The following ONECUT2 variants were observed in gnomAD, a reference collection of about 807,000 sequenced individuals.
ONECUT2 encodes the protein one cut domain family member 2.
In ONECUT2, 10 loss-of-function variants were observed where a neutral mutation model predicts 27.9. The ratio of observed to expected loss-of-function variants is 0.36; its 90% confidence interval spans 0.22 to 0.61. The LOEUF (loss-of-function observed/expected upper bound fraction) is 0.61. Ranked by LOEUF, ONECUT2 falls within the 20% of genes least tolerant of loss-of-function variation. ONECUT2 has a pLI of 0.73. For missense variants in ONECUT2, 686 were observed against 721.0 expected, an observed-to-expected ratio of 0.95 and a Z score of 0.56; for synonymous variants, 334 against 315.1, an observed-to-expected ratio of 1.06 and a Z score of -0.64.
intron 1 of ONECUT2, among the ~76,000 whole-genome samples, chr18:57,461,251 A>G (rs111549386): frequency 2.6e-5 from 4 of 151,762 alleles, no homozygotes; most frequent in Non-Finnish European, 4.4e-5. Context: ...TCATGCTGTT[A>G]TGTGTTGCTG....
rs1487888369 is a variant in ONECUT2, at chr18:57,489,869, A to G, written c.*13146A>G. 1 of 152,118 alleles carries G rather than the reference A, an allele frequency of 6.6e-6. No individual in the cohort carries two copies. The highest frequency in any genetic ancestry group is 6.5e-5 in the Admixed American group (1 of 15,274). 9.4% of individuals were successfully genotyped at this position (152,118 alleles called of 1,614,324 possible). A position where few individuals can be genotyped will look rare whatever the true frequency, so the allele number is the denominator to read the frequency against. ...AAGCTCCACATTGATAACTTGATAA[A>G]TAACCACTAAAGTTTAGATGCAGGG... On this transcript the variant is annotated 3_prime_UTR_variant, in exon 2 of 2. Transcript: ENST00000491143.
chr18:57,464,649 G>A (rs1312360317), intron 1 of ONECUT2, among the ~76,000 whole-genome samples: 1 of 152,138 alleles, frequency 6.6e-6, no homozygotes, highest in Non-Finnish European at 1.5e-5. Context: ...AAGTAATAAC[G>A]AAACAATTTG....
chr18:57,438,368 A>G (rs1171570099), intron 1 of ONECUT2, among the ~76,000 whole-genome samples: 1 of 152,146 alleles, frequency 6.6e-6, no homozygotes, highest in Non-Finnish European at 1.5e-5. Flanking sequence ...CGTGGTGGCG[A>G]TGATTTGCAT....
At position 57,436,319 on chromosome 18, in the gene ONECUT2, G is replaced by T. The variant is rs368237468; in HGVS notation, c.603G>T (p.Glu201Asp). The T allele has an allele frequency of 5.6e-5, 90 of 1,604,108 alleles. No individual in the cohort carries two copies. Among genetic ancestry groups the T allele is most frequent in the Non-Finnish European group, 7.2e-5 (85 of 1,179,722 alleles). Residue 201 changes from glutamate to aspartate, a missense_variant, in exon 1 of 2, where the codon GAG (glutamate) becomes GAT (aspartate). Physicochemically the swap from Glu to Asp is conservative, Grantham distance 45 (BLOSUM62 2). This residue lies in a region of ONECUT2 where 511 missense variants were observed against 488.1 expected (regional missense o/e 1.05). Coordinates refer to ENST00000491143, the MANE Select transcript of ONECUT2 (RefSeq NM_004852.3). This position sits in a 1 kb window ranked among gnomAD's most constrained non-coding sequence, Gnocchi z 5.9. ...GCAGCTTCACCCTCATGCGCGACGAGCGCGGGCTCCCGGCCATGAACAACC... is the reference window on the plus strand; with the variant it reads ...GCAGCTTCACCCTCATGCGCGACGATCGCGGGCTCCCGGCCATGAACAACC... ...VSGSFTLMRD[E>D]RGLPAMNNLY...
In ONECUT2 at chr18:57,477,805, C is replaced by CT. The variant is rs1467307364; in HGVS notation, c.*1085dup. ...GACCACCACGTAATCCATTCTCGCTCTTTCTGATTTGGGGTTTTTCCTCAT... is the reference window on the plus strand; with the variant it reads ...GACCACCACGTAATCCATTCTCGCTCTTTTCTGATTTGGGGTTTTTCCTCAT... On this transcript the variant is annotated 3_prime_UTR_variant, in exon 2 of 2. Coordinates refer to ENST00000491143, the MANE Select transcript of ONECUT2 (RefSeq NM_004852.3). 1 of 152,486 alleles carries CT rather than the reference C, an allele frequency of 6.6e-6. No individual in the cohort carries two copies. Among genetic ancestry groups the CT allele is most frequent in the Non-Finnish European group, 1.5e-5 (1 of 68,042 alleles). The allele number at this position is 152,486 out of a possible 1,614,324, so 9.4% of individuals were successfully genotyped here. A position where few individuals can be genotyped will look rare whatever the true frequency, so the allele number is the denominator to read the frequency against.
Position 57,435,880 on chromosome 18 carries a change from C to T in ONECUT2, c.164C>T (p.Pro55Leu). The change falls in exon 1 of 2, where the codon CCG becomes CTG. Residue 55 changes from proline (P) to leucine (L), a missense_variant. This residue lies in a region of ONECUT2 where 511 missense variants were observed against 488.1 expected (regional missense o/e 1.05). Transcript: ENST00000491143. ...GGCGGCGGGGGCGGCGGCGGGGGCC[C>T]GGGCCATGAGCAGGAGCTGCTGGCC... ...GGGGGGGGGGPGHEQELLASP... is the reference protein window; with the variant it reads ...GGGGGGGGGGLGHEQELLASP... The T allele has an allele frequency of 9.4e-7, 1 of 1,065,078 alleles. No individual in the cohort carries two copies. The highest frequency in any genetic ancestry group is 1.1e-6 in the Non-Finnish European group (1 of 883,724). The allele number at this position is 1,065,078 out of a possible 1,614,324, so 66.0% of individuals were successfully genotyped here.
intron 1 of ONECUT2, among the ~76,000 whole-genome samples, chr18:57,471,191 A>G (rs977470296): frequency 1.3e-5 from 2 of 152,148 alleles, no homozygotes; most frequent in Non-Finnish European, 2.9e-5. Flanking sequence ...GCGTTGCTGC[A>G]CGACTCTGAC....
intron 1 of ONECUT2, among the ~76,000 whole-genome samples, chr18:57,460,936 C>T (rs1259522167): frequency 6.6e-6 from 1 of 152,186 alleles, no homozygotes; most frequent in African/African-American, 2.4e-5. Flanking sequence ...AGTGATCCTC[C>T]CACCTCAGCC....
chr18:57,466,131 A>G (rs1036913090), intron 1 of ONECUT2, among the ~76,000 whole-genome samples: 1 of 152,054 alleles, frequency 6.6e-6, no homozygotes, highest in Admixed American at 6.6e-5. Context: ...TTGTTTTCTG[A>G]GAGTTGCAGT....
intron 1 of ONECUT2, among the ~76,000 whole-genome samples, chr18:57,440,887 G>A (rs890635608): frequency 6.6e-6 from 1 of 152,216 alleles, no homozygotes; most frequent in African/African-American, 2.4e-5. Flanking sequence ...AGCTGGAGAG[G>A]CTGAACGCAA....
In ONECUT2 at chr18:57,437,117, GCTCTTCCC is replaced by G. The variant is rs1357345925; in HGVS notation, c.1228+176_1228+183del. Among the ~76,000 whole-genome samples the G allele has an allele frequency of 4.6e-5, 7 of 151,438 alleles. 1 individual carries two copies. Among genetic ancestry groups the G allele is most frequent in the African/African-American group, 1.2e-4 (5 of 41,184 alleles). On this transcript the variant is annotated intron_variant, in intron 1 of 1. Coordinates refer to ENST00000491143, the MANE Select transcript of ONECUT2 (RefSeq NM_004852.3). ...TTCTTCCATTTTCTCTTTCTCTTCCGCTCTTCCCCTACTTTCCCTTCTCCCTTTTCTTT... is the reference window on the plus strand; with the variant it reads ...TTCTTCCATTTTCTCTTTCTCTTCCGCTACTTTCCCTTCTCCCTTTTCTTT...
At chr18:57,443,528 C>T (rs1264909564) in intron 1 of ONECUT2, among the ~76,000 whole-genome samples, 1 of 152,250 alleles carries the variant, frequency 6.6e-6, no homozygotes, top group Non-Finnish European at 1.5e-5. Flanking sequence ...ATCACCCCCT[C>T]TTATCACCCA....
At position 57,437,193 on chromosome 18, in the gene ONECUT2, ACC is replaced by A. The variant is rs35937482; in HGVS notation, c.1228+257_1228+258del. Among the ~76,000 whole-genome samples, 3 of 145,778 alleles carry A rather than the reference ACC, an allele frequency of 2.1e-5. No individual in the cohort carries two copies. The East Asian group carries it at 6.1e-4, about 30-fold the overall frequency. On this transcript the variant is annotated intron_variant, in intron 1 of 1. Coordinates refer to ENST00000491143, the MANE Select transcript of ONECUT2 (RefSeq NM_004852.3). ...CTTGTCCCTGAGCTTTCATTGACCG[ACC>A]CCCCCCCATTTCATTCGCCCTCCCC...
intron 1 of ONECUT2, among the ~76,000 whole-genome samples, chr18:57,440,719 AC>A (rs1284464352): frequency 6.6e-6 from 1 of 152,050 alleles, no homozygotes; most frequent in Non-Finnish European, 1.5e-5. Flanking sequence ...TGCGCCGGGG[AC>A]GTCCTTGGGT....
At position 57,490,356 on chromosome 18, in the gene ONECUT2, T is replaced by C. The variant is rs1339191210; in HGVS notation, c.*13633T>C. On this transcript the variant is annotated 3_prime_UTR_variant, in exon 2 of 2. Coordinates refer to ENST00000491143, the MANE Select transcript of ONECUT2 (RefSeq NM_004852.3). Reference sequence around the variant, plus strand: ...TAGACCCTGGCCTCAGATGTGTTTATTCTTGCTATTTAAAAATACCTTTAA... The same window carrying C: ...TAGACCCTGGCCTCAGATGTGTTTACTCTTGCTATTTAAAAATACCTTTAA... The C allele has an allele frequency of 6.6e-6, 1 of 152,234 alleles. No homozygotes were observed. The highest frequency in any genetic ancestry group is 1.5e-5 in the Non-Finnish European group (1 of 68,050). 9.4% of individuals were successfully genotyped at this position (152,234 alleles called of 1,614,324 possible).
chr18:57,476,248 C>A (rs780070192), intron 1 of ONECUT2, among the ~76,000 whole-genome samples, 189 bp from the exon 2 acceptor site: 1 of 152,230 alleles, frequency 6.6e-6, no homozygotes, highest in Non-Finnish European at 1.5e-5. Flanking sequence ...TTTCTCCCAT[C>A]CCCCACTCAC....
intron 1 of ONECUT2, among the ~76,000 whole-genome samples, chr18:57,457,799 A>G (rs2050268183): frequency 6.6e-6 from 1 of 152,260 alleles, no homozygotes; most frequent in Admixed American, 6.5e-5. Flanking sequence ...GCCATAAAAA[A>G]GGATGAGTTC....
rs1355103940 is a variant in ONECUT2 at position 57,484,296 on chromosome 18, TG to T, written c.*7574del. 5.9e-5 allele frequency: 9 copies of T among 152,632 alleles called. No individual in the cohort carries two copies. The highest frequency in any genetic ancestry group is 1.2e-4 in the Non-Finnish European group (8 of 68,024). The allele number at this position is 152,632 out of a possible 1,614,324, so 9.5% of individuals were successfully genotyped here. A position where few individuals can be genotyped will look rare whatever the true frequency, so the allele number is the denominator to read the frequency against. ...TTTCCATTTGTAATTTTAATCGTGT[TG>T]ATGACACCAAAGATACCAAAGATTT... On this transcript the variant is annotated 3_prime_UTR_variant, in exon 2 of 2. Transcript: ENST00000491143.
rs183265320 is a variant in ONECUT2, at chr18:57,441,389, C to T, written c.1228+4445C>T. 1.1e-4 allele frequency among the ~76,000 whole-genome samples: 16 copies of T among 152,366 alleles called. No homozygotes were observed. In the East Asian group the frequency reaches 3.1e-3, roughly 29 times the overall value. Reference sequence around the variant, plus strand: ...GCCCCGCGGTTTTCCAGCGGTGCCGCTTCGCCAGCTCTGCGCGGGTTCTCC... The same window carrying T: ...GCCCCGCGGTTTTCCAGCGGTGCCGTTTCGCCAGCTCTGCGCGGGTTCTCC... On this transcript the variant is annotated intron_variant, in intron 1 of 1. Transcript: ENST00000491143.
Sources: allele counts gnomAD v4.1 joint callset (sites outside exome capture counted in the v4.1 genomes callset), GRCh38; gene constraint gnomAD v4.1.1; regional missense constraint gnomAD v4.1.1; non-coding constraint Gnocchi (gnomAD v3.1); transcripts MANE v1.5; gene names NCBI Gene and HGNC (gene_info 2026-07-23, HGNC 2026-07-21).